The following NBEA variants were observed in gnomAD, a reference collection of about 807,000 sequenced individuals.
NBEA encodes the protein neurobeachin.
Under a neutral mutation model 343.4 loss-of-function variants are expected in NBEA, and 44 were observed. The observed-to-expected ratio is 0.13, with a 90% CI of 0.10 to 0.16. NBEA has a LOEUF of 0.16. Ranked by LOEUF, NBEA falls within the 10% of genes least tolerant of loss-of-function variation. NBEA has a pLI of 1.00. For synonymous variants in NBEA, 1,175 were observed against 1,238.7 expected (o/e 0.95, Z 1.08); for missense variants, 2,555 against 3,631.3 (o/e 0.70, Z 7.62).
At chr13:35,154,487 A>G (rs1484073824) in intron 18 of NBEA, among the ~76,000 whole-genome samples, 2 of 152,238 alleles carry the variant, frequency 1.3e-5, no homozygotes, top group African/African-American at 4.8e-5. Flanking sequence ...ATAACCTCAT[A>G]GGGTTTATGT....
chr13:35,558,296 T>TA (rs2079678889), intron 44 of NBEA, among the ~76,000 whole-genome samples: 1 of 152,172 alleles, frequency 6.6e-6, no homozygotes, highest in Non-Finnish European at 1.5e-5. Flanking sequence ...TTATAATGTA[T>TA]AAAAAAGTAT....
chr13:35,423,642 T>C (rs994191022), intron 38 of NBEA, among the ~76,000 whole-genome samples: 1 of 152,206 alleles, frequency 6.6e-6, no homozygotes, highest in Non-Finnish European at 1.5e-5. Flanking sequence ...GGCTCTTTTT[T>C]GGTTCCATAT....
chr13:35,380,128 A>T (rs895291892), intron 38 of NBEA, among the ~76,000 whole-genome samples: 1 of 152,076 alleles, frequency 6.6e-6, no homozygotes, highest in Non-Finnish European at 1.5e-5. Context: ...TGTATAGGTC[A>T]TCTGTGATTT....
chr13:35,131,260 G>A (rs2067410003), intron 17 of NBEA, among the ~76,000 whole-genome samples: 1 of 152,026 alleles, frequency 6.6e-6, no homozygotes, highest in Non-Finnish European at 1.5e-5. Flanking sequence ...ATACAACCAT[G>A]ATACCAAAAT....
At chr13:35,123,186 T>C (rs1182054715) in intron 16 of NBEA, among the ~76,000 whole-genome samples, 1 of 152,222 alleles carries the variant, frequency 6.6e-6, no homozygotes, top group African/African-American at 2.4e-5. Flanking sequence ...GTTTAAATAT[T>C]GGGGCCAATT....
intron 41 of NBEA, among the ~76,000 whole-genome samples, chr13:35,506,431 AT>A (rs113386017): frequency 3.9e-5 from 6 of 152,282 alleles, no homozygotes; most frequent in Admixed American, 6.5e-5. Context: ...AATACTTAGA[AT>A]TTTTTTTTTA....
chr13:35,345,636 C>T (rs1474264130), intron 36 of NBEA, among the ~76,000 whole-genome samples: 2 of 151,998 alleles, frequency 1.3e-5, no homozygotes, highest in African/African-American at 4.8e-5. Context: ...CCCAGGGTCA[C>T]ACATCTTTGA....
intron 38 of NBEA, among the ~76,000 whole-genome samples, chr13:35,388,431 C>T (rs2042351429): frequency 6.6e-6 from 1 of 152,012 alleles, no homozygotes. Context: ...TACATTCCCC[C>T]CAATTCTAAA....
At chr13:35,227,146 T>C (rs2074700406) in intron 33 of NBEA, among the ~76,000 whole-genome samples, 1 of 152,066 alleles carries the variant, frequency 6.6e-6, no homozygotes, top group Admixed American at 6.6e-5. Context: ...AAGCATTTTT[T>C]TTTTCAATAT....
chr13:35,092,189 T>A lies in NBEA; in HGVS notation c.1572-6108T>A, dbSNP rs529454681. 3.5e-4 allele frequency among the ~76,000 whole-genome samples: 53 copies of A among 152,012 alleles called. 1 individual carries two copies. In the South Asian group the frequency reaches 8.7e-3, roughly 25 times the overall value. On this transcript the variant is annotated intron_variant, in intron 10 of 58. Coordinates refer to ENST00000379939, the MANE Select transcript of NBEA (RefSeq NM_001385012.1). ...GAAGGATAATCATATGCCAAACAAA[T>A]GTGCTTTGACCTAAACCTCACAATT...
At chr13:35,056,445 A>C (rs1485641395) in intron 7 of NBEA, among the ~76,000 whole-genome samples, 2 of 152,166 alleles carry the variant, frequency 1.3e-5, no homozygotes, top group African/African-American at 4.8e-5. Context: ...TATGGAAAGA[A>C]GACCCTAAAC....
At chr13:34,991,542 C>T (rs1427741580) in intron 1 of NBEA, among the ~76,000 whole-genome samples, 3 of 152,156 alleles carry the variant, frequency 2.0e-5, no homozygotes, top group Non-Finnish European at 2.9e-5. Context: ...GAAGTCCACT[C>T]CTATGACCCA....
intron 1 of NBEA, among the ~76,000 whole-genome samples, chr13:35,007,024 G>C (rs925789323): frequency 6.6e-6 from 1 of 152,078 alleles, no homozygotes; most frequent in East Asian, 1.9e-4. Context: ...TCTTTTTCTC[G>C]TCACTTTTTA....
At chr13:35,538,670 G>A (rs370774184) in intron 41 of NBEA, among the ~76,000 whole-genome samples, 9 of 152,192 alleles carry the variant, frequency 5.9e-5, no homozygotes, top group Non-Finnish European at 8.8e-5. Flanking sequence ...AGTAACCCCC[G>A]TGAGGACACT....
chr13:34,960,131 G>A (rs1415953087), intron 1 of NBEA, among the ~76,000 whole-genome samples: 7 of 152,070 alleles, frequency 4.6e-5, no homozygotes, highest in Admixed American at 4.6e-4. Context: ...GACATGATGT[G>A]GCGGTGGAAG....
intron 36 of NBEA, among the ~76,000 whole-genome samples, chr13:35,321,348 T>A (rs934830187): frequency 6.6e-6 from 1 of 152,194 alleles, no homozygotes; most frequent in African/African-American, 2.4e-5. Context: ...AGAGTCAGAC[T>A]TCTCTGCTGT....
intron 1 of NBEA, among the ~76,000 whole-genome samples, chr13:34,995,318 A>T (rs2060901105): frequency 6.6e-6 from 1 of 151,832 alleles, no homozygotes; most frequent in Admixed American, 6.6e-5. Flanking sequence ...TGAGCCTGGC[A>T]TGGTGGCATG....
At chr13:35,017,897 A>G (rs560478587) in intron 1 of NBEA, among the ~76,000 whole-genome samples, 4 of 152,124 alleles carry the variant, frequency 2.6e-5, no homozygotes, top group African/African-American at 4.8e-5. Flanking sequence ...TGCAGATTTA[A>G]CCCTTATATT....
At chr13:35,055,081 AT>A (rs917328190) in intron 6 of NBEA, among the ~76,000 whole-genome samples, 6 of 152,138 alleles carry the variant, frequency 3.9e-5, no homozygotes, top group African/African-American at 1.2e-4. Flanking sequence ...AAATAATTGA[AT>A]AGTGCATTTA....
Sources: allele counts gnomAD v4.1 joint callset (sites outside exome capture counted in the v4.1 genomes callset), GRCh38; gene constraint gnomAD v4.1.1; transcripts MANE v1.5; gene names NCBI Gene and HGNC (gene_info 2026-07-23, HGNC 2026-07-21).